The following MID1 variants were observed in gnomAD, a reference collection of about 807,000 sequenced individuals.
MID1 encodes midline 1, also known as E3 ubiquitin-protein ligase Midline-1.
In MID1, 7 loss-of-function variants were observed where a neutral mutation model predicts 40.4. The observed-to-expected ratio is 0.17, with a 90% CI of 0.10 to 0.33. The LOEUF (loss-of-function observed/expected upper bound fraction) is 0.33, where lower values mean the gene tolerates loss of function less well. Ranked by LOEUF, MID1 falls within the 10% of genes least tolerant of loss-of-function variation. MID1 has a pLI of 1.00. For missense variants in MID1, 367 were observed against 558.5 expected (o/e 0.66, Z 3.46); for synonymous variants, 229 against 221.2 (o/e 1.04, Z -0.31).
chrX:10,563,353 G>A (rs1230566709), intron 2 of MID1, among the ~76,000 whole-genome samples: 1 of 111,331 alleles, frequency 9.0e-6, no homozygotes, highest in Admixed American at 9.5e-5. Flanking sequence ...GGAAAGGTCA[G>A]TTTTTTTCAA....
chrX:10,588,684 T>C (rs954111621), intron 1 of MID1, among the ~76,000 whole-genome samples: 1 of 110,734 alleles, frequency 9.0e-6, no homozygotes, highest in Non-Finnish European at 1.9e-5. Flanking sequence ...TGCCTCTCTC[T>C]TTCTGTCTGC....
upstream of MID1, among the ~76,000 whole-genome samples, chrX:10,624,538 C>A (rs1935975957): frequency 9.0e-6 from 1 of 111,631 alleles, no homozygotes; most frequent in Admixed American, 9.5e-5. Context: ...TCATTATCTG[C>A]CCTTGAGTAA....
At position 10,462,039 on chromosome X, in the gene MID1, A is replaced by G. The variant is rs753107981; in HGVS notation, c.1286-2232T>C. On this transcript the variant is annotated intron_variant, in intron 7 of 9. Transcript: ENST00000317552. ...AAAGTCTTAACCCAACAAAGATTTT[A>G]TGTTTCAGAAACCTTTTCCAAACAA... 4.5e-5 allele frequency among the ~76,000 whole-genome samples: 5 copies of G among 111,585 alleles called. No homozygotes were observed. In the South Asian group the frequency reaches 1.9e-3, roughly 43 times the overall value.
chrX:10,482,616 G>A lies in MID1; in HGVS notation c.877C>T (p.Arg293Cys). The A allele has an allele frequency of 8.3e-7, 1 of 1,210,487 alleles. No homozygotes were observed. Residue 293 changes from arginine (R) to cysteine (C), a missense_variant, in exon 5 of 10, where the codon CGC becomes TGC. This residue lies in a region of MID1 where 275 missense variants were observed against 383.1 expected (regional missense o/e 0.72). Coordinates refer to ENST00000317552, the MANE Select transcript of MID1 (RefSeq NM_000381.4). ...KIKEGKVMRL[R>C]KLAQQIANCK... is the part of the protein sequence containing the mutation. Reference sequence around the variant, plus strand: ...TTTGCAATCTGCTGAGCCAGTTTGCGAAGCCTCATCACCTTGAACAAAAGA... The same window carrying A: ...TTTGCAATCTGCTGAGCCAGTTTGCAAAGCCTCATCACCTTGAACAAAAGA...
At chrX:10,665,251 A>G (rs899494720) in intron 1 of MID1, among the ~76,000 whole-genome samples, 1 of 112,359 alleles carries the variant, frequency 8.9e-6, no homozygotes, top group African/African-American at 3.2e-5. Flanking sequence ...CCAAAACCAT[A>G]TGAATAAACC....
At chrX:10,556,405 T>C (rs1207434434) in intron 2 of MID1, among the ~76,000 whole-genome samples, 1 of 111,747 alleles carries the variant, frequency 8.9e-6, no homozygotes, top group Non-Finnish European at 1.9e-5. Context: ...CACTCACTGC[T>C]TCTTAAAAGT....
At chrX:10,520,103 AT>A (rs1932633887) in intron 3 of MID1, among the ~76,000 whole-genome samples, 1 of 112,068 alleles carries the variant, frequency 8.9e-6, no homozygotes, top group African/African-American at 3.2e-5. Context: ...GTACTGAAAA[AT>A]AATAGTTGTG....
intron 3 of MID1, among the ~76,000 whole-genome samples, chrX:10,497,087 C>T (rs1931292628): frequency 8.9e-6 from 1 of 112,198 alleles, no homozygotes; most frequent in Non-Finnish European, 1.9e-5. Flanking sequence ...ATTTCTAGCT[C>T]CCCTTGAGGT....
At chrX:10,711,773 T>A (rs2043269382) in intron 1 of MID1, among the ~76,000 whole-genome samples, 1 of 112,616 alleles carries the variant, frequency 8.9e-6, no homozygotes, top group Non-Finnish European at 1.9e-5. Flanking sequence ...TACGAATGTA[T>A]CTTCTAATGC....
At chrX:10,624,482 T>C (rs1253510317), upstream of MID1, among the ~76,000 whole-genome samples, 2 of 112,387 alleles carry the variant, frequency 1.8e-5, no homozygotes, top group East Asian at 5.5e-4. Flanking sequence ...AGGTGAAATA[T>C]TTTAACAGCA....
intron 8 of MID1, among the ~76,000 whole-genome samples, chrX:10,457,708 C>T (rs1928767785): frequency 8.9e-6 from 1 of 112,443 alleles, no homozygotes; most frequent in Non-Finnish European, 1.9e-5. Context: ...CAAAGAAACT[C>T]CCTGGTGTGG....
intron 9 of MID1, among the ~76,000 whole-genome samples, chrX:10,454,557 G>A (rs374175400): frequency 2.9e-4 from 32 of 111,975 alleles, no homozygotes; most frequent in African/African-American, 9.7e-4. Flanking sequence ...TTTGGCTCAT[G>A]GGCTGTGGTT....
intron 8 of MID1, 54 bp downstream of exon 8, chrX:10,459,592 G>C: frequency 8.7e-7 from 1 of 1,152,695 alleles, no homozygotes; most frequent in Non-Finnish European, 1.2e-6. Context: ...GACAGAGTCA[G>C]CTGAAAGAAG....
At chrX:10,791,138 G>A (rs1268273516) in intron 1 of MID1, among the ~76,000 whole-genome samples, 1 of 112,752 alleles carries the variant, frequency 8.9e-6, no homozygotes, top group African/African-American at 3.2e-5. Context: ...GAAGTTTTAA[G>A]TGCACGCATG....
intron 1 of MID1, among the ~76,000 whole-genome samples, chrX:10,643,332 G>A (rs1334886209): frequency 9.0e-6 from 1 of 110,861 alleles, no homozygotes; most frequent in Non-Finnish European, 1.9e-5. Context: ...AAATCAAACA[G>A]CCCCATCAAA....
intron 1 of MID1, among the ~76,000 whole-genome samples, chrX:10,783,765 CAG>C (rs1207707621): frequency 9.2e-6 from 1 of 108,681 alleles, no homozygotes; most frequent in Non-Finnish European, 2.0e-5. Flanking sequence ...AAAATAAACA[CAG>C]TGCCTGCTTC....
chrX:10,832,404 T>C (rs1211043653), intron 1 of MID1, among the ~76,000 whole-genome samples: 1 of 112,524 alleles, frequency 8.9e-6, no homozygotes, highest in Non-Finnish European at 1.9e-5. Context: ...TTTGCACTGA[T>C]TACTTTTCTT....
intron 1 of MID1, among the ~76,000 whole-genome samples, chrX:10,730,396 C>T (rs1348284966): frequency 2.7e-5 from 3 of 110,508 alleles, no homozygotes; most frequent in Non-Finnish European, 5.7e-5. Flanking sequence ...GAAAATGCTT[C>T]TGACAAACTA....
intron 2 of MID1, among the ~76,000 whole-genome samples, chrX:10,531,512 T>C (rs749007549): frequency 4.5e-5 from 5 of 112,268 alleles, no homozygotes; most frequent in Non-Finnish European, 9.4e-5. Context: ...TGGACTACAA[T>C]TTAAGTCATT....
Sources: allele counts gnomAD v4.1 joint callset (sites outside exome capture counted in the v4.1 genomes callset), GRCh38; gene constraint gnomAD v4.1.1; regional missense constraint gnomAD v4.1.1; transcripts MANE v1.5; gene names NCBI Gene and HGNC (gene_info 2026-07-23, HGNC 2026-07-21).